Variants in CDK7 observed in about 807,000 individuals in gnomAD.
CDK7 encodes the protein cyclin dependent kinase 7, also known as cyclin-dependent kinase 7.
CDK7 carries 25 observed loss-of-function variants against 49.1 expected under a neutral mutation model. The observed-to-expected ratio is 0.51, with a 90% confidence interval of 0.37 to 0.71. The LOEUF (loss-of-function observed/expected upper bound fraction) is 0.71, where lower values mean the gene tolerates loss of function less well. Ranked by LOEUF, CDK7 falls within the 30% of genes least tolerant of loss-of-function variation. The pLI is 0.00. For synonymous variants in CDK7, 107 were observed against 140.0 expected (o/e 0.76, Z 1.67); for missense variants, 316 against 411.7 (o/e 0.77, Z 2.01).
intron 2 of CDK7, among the ~76,000 whole-genome samples, chr5:69,249,317 G>A (rs940915078): frequency 6.6e-6 from 1 of 151,824 alleles, no homozygotes; most frequent in African/African-American, 2.4e-5. Flanking sequence ...GAGGTGGGTG[G>A]ATCACTTGAG....
intron 3 of CDK7, among the ~76,000 whole-genome samples, chr5:69,253,363 C>G (rs1250442768): frequency 6.6e-6 from 1 of 152,056 alleles, no homozygotes; most frequent in Non-Finnish European, 1.5e-5. Flanking sequence ...CTCCCGGGTT[C>G]AAGCGATTCT....
chr5:69,272,919 A>G lies in CDK7; in HGVS notation c.742A>G (p.Thr248Ala). 1.9e-6 allele frequency: 3 copies of G among 1,593,296 alleles called. No homozygotes were observed. Among genetic ancestry groups the G allele is most frequent in the Non-Finnish European group, 2.6e-6 (3 of 1,168,334 alleles). ...PDMCSLPDYVTFKSFPGIPLH... is the reference protein window; with the variant it reads ...PDMCSLPDYVAFKSFPGIPLH... ...CATGTGTAGTCTTCCAGATTATGTGACATTTAAGAGTTTCCCTGGAATACC... is the reference window on the plus strand; with the variant it reads ...CATGTGTAGTCTTCCAGATTATGTGGCATTTAAGAGTTTCCCTGGAATACC... Residue 248 changes from threonine to alanine, a missense_variant, in exon 10 of 12, where the codon ACA (threonine) becomes GCA (alanine). Thr to Ala is a moderately conservative substitution (Grantham distance 58). Transcript: ENST00000256443.
At chr5:69,248,504 C>T (rs1158337356) in intron 2 of CDK7, among the ~76,000 whole-genome samples, 2 of 152,020 alleles carry the variant, frequency 1.3e-5, no homozygotes, top group African/African-American at 2.4e-5. Flanking sequence ...TCTCCTGCCT[C>T]AGCCTTCCCA....
chr5:69,234,922 G>T lies in CDK7; in HGVS notation c.-54G>T, dbSNP rs1748839968. On this transcript the variant is annotated 5_prime_UTR_variant, in exon 1 of 12. Transcript: ENST00000256443. Reference sequence around the variant, plus strand: ...GAGGCTTTAAGGTAGCTTTAAATTCGTGTTGTCCTGGGAGCTCGCCCTTTT... The same window carrying T: ...GAGGCTTTAAGGTAGCTTTAAATTCTTGTTGTCCTGGGAGCTCGCCCTTTT... The T allele has an allele frequency of 2.0e-6, 3 of 1,529,328 alleles. No homozygotes were observed. Among genetic ancestry groups the T allele is most frequent in the Middle Eastern group, 1.7e-4 (1 of 5,956 alleles). 94.7% of individuals were successfully genotyped at this position (1,529,328 alleles called of 1,614,324 possible). A position where few individuals can be genotyped will look rare whatever the true frequency, so the allele number is the denominator to read the frequency against.
At chr5:69,244,779 G>C (rs886902531) in intron 2 of CDK7, among the ~76,000 whole-genome samples, 2 of 152,086 alleles carry the variant, frequency 1.3e-5, no homozygotes, top group African/African-American at 4.8e-5. Context: ...AGCTCTTAAA[G>C]GAAATCAGTT....
At chr5:69,269,174 A>C in intron 8 of CDK7, 33 bp from the exon 9 acceptor site, 1 of 1,373,614 alleles carries the variant, frequency 7.3e-7, no homozygotes. Context: ...AAAAAAACCC[A>C]CCTTGAAAAG....
intron 8 of CDK7, among the ~76,000 whole-genome samples, chr5:69,268,834 C>CAA (rs56877264): frequency 0.011 from 1,380 of 120,634 alleles, 26 homozygotes; most frequent in African/African-American, 0.021. Flanking sequence ...GAGACTGTCT[C>CAA]AAAAAAAAAA....
chr5:69,262,141 C>T (rs985689284), intron 7 of CDK7, 64 bp from the exon 8 acceptor site: 2 of 1,602,334 alleles, frequency 1.2e-6, no homozygotes, highest in Non-Finnish European at 1.7e-6. Context: ...ATCGTTCATC[C>T]CTAGAGATAG....
chr5:69,238,479 G>T (rs1302172794), intron 2 of CDK7, among the ~76,000 whole-genome samples: 1 of 151,416 alleles, frequency 6.6e-6, no homozygotes, highest in African/African-American at 2.4e-5. Context: ...TAGAGACAGG[G>T]TCTCACTCTG....
intron 9 of CDK7, among the ~76,000 whole-genome samples, chr5:69,272,157 C>T (rs1455557795): frequency 6.6e-6 from 1 of 152,122 alleles, no homozygotes; most frequent in Non-Finnish European, 1.5e-5. Flanking sequence ...ACGGTCTCTT[C>T]ATTGATTTAG....
At chr5:69,236,461 C>T (rs952060690) in intron 2 of CDK7, among the ~76,000 whole-genome samples, 2 of 151,908 alleles carry the variant, frequency 1.3e-5, no homozygotes, top group Admixed American at 6.6e-5. Flanking sequence ...CTTTTGTTAC[C>T]GTTGCTACTT....
chr5:69,268,306 C>A (rs2150226109), intron 8 of CDK7, among the ~76,000 whole-genome samples: 1 of 152,252 alleles, frequency 6.6e-6, no homozygotes, highest in African/African-American at 2.4e-5. Flanking sequence ...ACCACCTCCA[C>A]CTAAGGGGAG....
At chr5:69,239,149 A>G (rs903498373) in intron 2 of CDK7, among the ~76,000 whole-genome samples, 6 of 152,216 alleles carry the variant, frequency 3.9e-5, no homozygotes, top group African/African-American at 1.4e-4. Context: ...GCTTCAGAGT[A>G]TCACAACCAT....
At chr5:69,251,768 A>G (rs906100784) in intron 2 of CDK7, among the ~76,000 whole-genome samples, 14 of 152,176 alleles carry the variant, frequency 9.2e-5, no homozygotes, top group Non-Finnish European at 1.5e-4. Flanking sequence ...CCTGGGATCA[A>G]GCGATCCTCC....
intron 2 of CDK7, among the ~76,000 whole-genome samples, chr5:69,236,958 T>C (rs1251376145): frequency 3.4e-5 from 5 of 145,226 alleles, no homozygotes; most frequent in African/African-American, 1.0e-4. Context: ...GGCCTTCTTT[T>C]TTTTTTTTTT....
intron 6 of CDK7, among the ~76,000 whole-genome samples, chr5:69,258,376 ATTTT>A (rs58004328): frequency 1.9e-5 from 2 of 105,026 alleles, no homozygotes; most frequent in Non-Finnish European, 3.7e-5. Flanking sequence ...CCAGTCCCTC[ATTTT>A]TTTTTTTTTT....
chr5:69,276,723 A>C, intron 11 of CDK7, 33 bp downstream of exon 11: 1 of 1,590,542 alleles, frequency 6.3e-7, no homozygotes, highest in Non-Finnish European at 8.6e-7. Flanking sequence ...AAATTAAATG[A>C]ATTTAGAAAA....
At chr5:69,252,714 G>A (rs1750230411) in intron 3 of CDK7, among the ~76,000 whole-genome samples, 1 of 151,980 alleles carries the variant, frequency 6.6e-6, no homozygotes, top group Non-Finnish European at 1.5e-5. Context: ...TGGCTGTGTT[G>A]CTCAGGCTTC....
intron 8 of CDK7, among the ~76,000 whole-genome samples, chr5:69,268,784 C>T (rs1436431331): frequency 7.5e-6 from 1 of 133,604 alleles, no homozygotes; most frequent in Non-Finnish European, 1.5e-5. Flanking sequence ...ACCCAGGAGG[C>T]GGAGCTTGAA....
Sources: gnomAD v4.1 joint callset for allele counts (sites outside exome capture counted in the v4.1 genomes callset) on GRCh38, gnomAD v4.1.1 for gene constraint, MANE v1.5 for transcripts, NCBI Gene and HGNC (gene_info 2026-07-23, HGNC 2026-07-21) for gene names.